The following TMEM38A variants were observed in gnomAD, a reference collection of about 807,000 sequenced individuals.
TMEM38A encodes the protein transmembrane protein 38A.
In TMEM38A, 17 loss-of-function variants were observed where a neutral mutation model predicts 28.6. The ratio of observed to expected loss-of-function variants is 0.60; its 90% CI spans 0.41 to 0.89. The LOEUF (loss-of-function observed/expected upper bound fraction) is 0.89. TMEM38A is among the 40% of genes least tolerant of loss of function. The pLI is 0.00. For missense variants in TMEM38A, 328 were observed against 393.1 expected (o/e 0.83, Z 1.40); for synonymous variants, 169 against 166.1 (o/e 1.02, Z -0.14).
chr19:16,668,711 C>T (rs1024312776), intron 1 of TMEM38A, among the ~76,000 whole-genome samples: 1 of 152,030 alleles, frequency 6.6e-6, no homozygotes, highest in Non-Finnish European at 1.5e-5. Context: ...TGGAATCATG[C>T]AGTATGTACC....
rs539525354 is a variant in TMEM38A at position 16,688,999 on chromosome 19, G to A, written c.*628G>A. ...TAAGACCTGTCTCCAGCAAGACCCT[G>A]TCTCAAAAAAAAAAAAAAAAATTGC... On this transcript the variant is annotated 3_prime_UTR_variant, in exon 6 of 6. Coordinates refer to ENST00000187762, the MANE Select transcript of TMEM38A (RefSeq NM_024074.4). 2 of 58,872 alleles carry A rather than the reference G, an allele frequency of 3.4e-5. No individual in the cohort carries two copies. The highest frequency in any genetic ancestry group is 7.2e-4 in the South Asian group (1 of 1,396). 3.6% of individuals were successfully genotyped at this position (58,872 alleles called of 1,614,324 possible).
At chr19:16,665,527 C>T (rs2086699372) in intron 1 of TMEM38A, among the ~76,000 whole-genome samples, 1 of 151,996 alleles carries the variant, frequency 6.6e-6, no homozygotes, top group African/African-American at 2.4e-5. Context: ...GTCTCTGAAT[C>T]ATGGGAGTCA....
rs1335634225 is a variant in TMEM38A at position 16,661,317 on chromosome 19, A to G, written c.100A>G (p.Ile34Val). Residue 34 changes from isoleucine (I) to valine (V), a missense_variant, in exon 1 of 6, where the codon ATC becomes GTC. Physicochemically the swap from Ile to Val is conservative, Grantham distance 29 (BLOSUM62 3). Transcript: ENST00000187762. This position sits in a 1 kb window ranked among gnomAD's most constrained non-coding sequence, Gnocchi z 6.5. Reference sequence around the variant, plus strand: ...CGACCTCAGTTACTTCATCGTCTCCATCCTCTACCTCAAGTATGAGCCAGG... The same window carrying G: ...CGACCTCAGTTACTTCATCGTCTCCGTCCTCTACCTCAAGTATGAGCCAGG... ...VFDLSYFIVS[I>V]LYLKYEPGAV... 2.4e-5 allele frequency: 38 copies of G among 1,593,466 alleles called. No individual in the cohort carries two copies. The highest frequency in any genetic ancestry group is 3.1e-5 in the Non-Finnish European group (36 of 1,171,084).
At chr19:16,665,872 G>A (rs886854166) in intron 1 of TMEM38A, among the ~76,000 whole-genome samples, 46 of 149,856 alleles carry the variant, frequency 3.1e-4, no homozygotes, top group Non-Finnish European at 4.0e-4. Context: ...GCAGTGGCAC[G>A]ATCTCAGCTC....
intron 4 of TMEM38A, among the ~76,000 whole-genome samples, chr19:16,684,940 T>C (rs1013544888): frequency 1.1e-4 from 17 of 151,170 alleles, no homozygotes; most frequent in South Asian, 2.1e-4. Flanking sequence ...CCCTAGCTAC[T>C]TGGGGGGCTG....
chr19:16,677,204 C>T (rs1339803214), intron 1 of TMEM38A, among the ~76,000 whole-genome samples: 1 of 151,872 alleles, frequency 6.6e-6, no homozygotes, highest in Non-Finnish European at 1.5e-5. Flanking sequence ...CAAGAAGTTG[C>T]AAAAATGGTA....
At chr19:16,682,642 A>G (rs951488602) in intron 4 of TMEM38A, 134 bp downstream of exon 4, 2 of 760,062 alleles carry the variant, frequency 2.6e-6, no homozygotes, top group African/African-American at 3.4e-5. Context: ...AGAGGCTATG[A>G]CTGGGGAAGC....
chr19:16,664,492 G>C (rs2122573524), intron 1 of TMEM38A, among the ~76,000 whole-genome samples: 1 of 152,274 alleles, frequency 6.6e-6, no homozygotes, highest in East Asian at 1.9e-4. Context: ...TGGTGTGCGT[G>C]CTGGGTATCT....
chr19:16,675,581 C>T (rs1382705311), intron 1 of TMEM38A, among the ~76,000 whole-genome samples: 1 of 144,142 alleles, frequency 6.9e-6, no homozygotes, highest in Non-Finnish European at 1.5e-5. Context: ...CAGAGTCTCA[C>T]TCTGTCGCCC....
intron 1 of TMEM38A, among the ~76,000 whole-genome samples, chr19:16,678,790 G>C (rs1196085817): frequency 8.4e-6 from 1 of 118,744 alleles, no homozygotes; most frequent in African/African-American, 3.3e-5. Context: ...AAAAAAAAAA[G>C]TAAAGTGATA....
In TMEM38A at chr19:16,689,161, T is replaced by C. The variant is rs2086815175; in HGVS notation, c.*790T>C. 1 of 152,238 alleles carries C rather than the reference T, an allele frequency of 6.6e-6. No homozygotes were observed. 9.4% of individuals were successfully genotyped at this position (152,238 alleles called of 1,614,324 possible). The stretch of plus-strand genomic sequence containing the variant: ...TCCTCAGTGGCTAGACATTTTCACG[T>C]GGCCAGAAAGTCCCGACTCTTGCTG... On this transcript the variant is annotated 3_prime_UTR_variant, in exon 6 of 6. Coordinates refer to ENST00000187762, the MANE Select transcript of TMEM38A (RefSeq NM_024074.4).
In TMEM38A at chr19:16,688,152, G is replaced by T; in HGVS notation, c.681G>T (p.Leu227=). The change falls in exon 6 of 6, where the codon CTG becomes CTT. Residue 227 remains leucine (L), a synonymous_variant. Transcript: ENST00000187762. ...TLFMVSCKVF[L]TATHSHSSPF... ...TGGCCACCCCACCTCAGGTGTTTCT[G>T]ACAGCCACCCACTCACACAGCTCCC... The T allele has an allele frequency of 7.0e-7, 1 of 1,436,056 alleles. No homozygotes were observed. The highest frequency in any genetic ancestry group is 9.2e-7 in the Non-Finnish European group (1 of 1,086,086). The allele number at this position is 1,436,056 out of a possible 1,614,324, so 89.0% of individuals were successfully genotyped here. A position where few individuals can be genotyped will look rare whatever the true frequency, so the allele number is the denominator to read the frequency against.
chr19:16,665,477 G>A (rs1011508117), intron 1 of TMEM38A, among the ~76,000 whole-genome samples: 1 of 151,068 alleles, frequency 6.6e-6, no homozygotes, highest in Non-Finnish European at 1.5e-5. Context: ...GCAACAGAGT[G>A]AGACCCTGTC....
chr19:16,668,991 G>A (rs761106641), intron 1 of TMEM38A, among the ~76,000 whole-genome samples: 1 of 151,806 alleles, frequency 6.6e-6, no homozygotes, highest in Non-Finnish European at 1.5e-5. Flanking sequence ...ACCACGCCTG[G>A]CTAATTTTTT....
chr19:16,688,480 C>A lies in TMEM38A; in HGVS notation c.*109C>A. ...TTCCTGGCCTTGACTTCCCCATCTG[C>A]AAATCAGGGTCATTGGCTCACCCTC... On this transcript the variant is annotated 3_prime_UTR_variant, in exon 6 of 6. Transcript: ENST00000187762. 1.1e-6 allele frequency: 1 copy of A among 886,990 alleles called. No individual in the cohort carries two copies. The highest frequency in any genetic ancestry group is 1.6e-6 in the Non-Finnish European group (1 of 637,370). 54.9% of individuals were successfully genotyped at this position (886,990 alleles called of 1,614,324 possible).
intron 1 of TMEM38A, among the ~76,000 whole-genome samples, chr19:16,672,301 A>G (rs930883918): frequency 6.6e-6 from 1 of 152,080 alleles, no homozygotes; most frequent in Non-Finnish European, 1.5e-5. Flanking sequence ...GGGCAAGTGT[A>G]TTGATTACTT....
At chr19:16,675,644 G>T (rs2086747548) in intron 1 of TMEM38A, among the ~76,000 whole-genome samples, 1 of 151,280 alleles carries the variant, frequency 6.6e-6, no homozygotes, top group Non-Finnish European at 1.5e-5. Context: ...TGCCTCCCGG[G>T]TTGAAGCGAT....
chr19:16,662,761 T>G (rs1050233884), intron 1 of TMEM38A, among the ~76,000 whole-genome samples: 3 of 151,906 alleles, frequency 2.0e-5, no homozygotes, highest in African/African-American at 7.2e-5. Flanking sequence ...CAATGCACGC[T>G]CTTATGCTAA....
At chr19:16,673,736 C>T (rs1157870047) in intron 1 of TMEM38A, among the ~76,000 whole-genome samples, 3 of 152,076 alleles carry the variant, frequency 2.0e-5, no homozygotes, top group Non-Finnish European at 4.4e-5. Context: ...GAGTAGAGTG[C>T]ACTACACCTT....
Sources: allele counts gnomAD v4.1 joint callset (sites outside exome capture counted in the v4.1 genomes callset), GRCh38; gene constraint gnomAD v4.1.1; non-coding constraint Gnocchi (gnomAD v3.1); transcripts MANE v1.5; gene names NCBI Gene and HGNC (gene_info 2026-07-23, HGNC 2026-07-21).